Variants in BCAS3 observed in about 807,000 individuals in gnomAD.
BCAS3 encodes BCAS3 microtubule associated cell migration factor.
A neutral mutation model predicts 116.1 loss-of-function variants in BCAS3; 53 were observed. That is an observed-to-expected ratio of 0.46 (90% confidence interval 0.37 to 0.57). The LOEUF is 0.57. Ranked by LOEUF, BCAS3 falls within the 20% of genes least tolerant of loss-of-function variation. The probability of loss-of-function intolerance (pLI) is 0.00; values close to 1 mark genes in which losing one functional copy is unlikely to be tolerated. For missense variants in BCAS3, 917 were observed against 1,165.4 expected, an observed-to-expected ratio of 0.79 and a Z score of 3.10; for synonymous variants, 391 against 408.2, an observed-to-expected ratio of 0.96 and a Z score of 0.51.
chr17:61,351,509 C>A (rs1466055454), intron 22 of BCAS3, among the ~76,000 whole-genome samples: 1 of 152,188 alleles, frequency 6.6e-6, no homozygotes, highest in African/African-American at 2.4e-5. Flanking sequence ...TTGAAACTTA[C>A]AATTAGCAAT....
At chr17:61,207,412 G>A (rs1055639938) in intron 22 of BCAS3, among the ~76,000 whole-genome samples, 2 of 152,048 alleles carry the variant, frequency 1.3e-5, no homozygotes, top group Non-Finnish European at 2.9e-5. Context: ...TGATAGATGA[G>A]GAAACTAAGT....
intron 10 of BCAS3, among the ~76,000 whole-genome samples, chr17:60,897,315 C>T (rs756359396): frequency 7.9e-5 from 12 of 152,238 alleles, no homozygotes; most frequent in East Asian, 1.9e-4. Flanking sequence ...TGACTAGACA[C>T]GATTTTTTCT....
intron 22 of BCAS3, among the ~76,000 whole-genome samples, chr17:61,114,863 AAC>A (rs2075324604): frequency 6.6e-6 from 1 of 151,660 alleles, no homozygotes; most frequent in African/African-American, 2.4e-5. Flanking sequence ...CAGTAACCAA[AAC>A]AGCATGGTAC....
Position 61,348,476 on chromosome 17 carries a change from C to CA in BCAS3, c.2426-19850dup, listed in dbSNP as rs1489003346. ...TTGTAAGCGTTAGAGTAGCTGAACTCACCCAAGAATAGTTTACAGAGAAAG... is the reference window on the plus strand; with the variant it reads ...TTGTAAGCGTTAGAGTAGCTGAACTCAACCCAAGAATAGTTTACAGAGAAAG... On this transcript the variant is annotated intron_variant, in intron 22 of 23. Coordinates refer to ENST00000407086, the MANE Select transcript of BCAS3 (RefSeq NM_017679.5). This position sits in a 1 kb window ranked among gnomAD's most constrained non-coding sequence, Gnocchi z 4.5. Among the ~76,000 whole-genome samples, 1 of 152,064 alleles carries CA rather than the reference C, an allele frequency of 6.6e-6. No individual in the cohort carries two copies. The highest frequency in any genetic ancestry group is 1.5e-5 in the Non-Finnish European group (1 of 68,010).
At position 61,267,913 on chromosome 17, in the gene BCAS3, G is replaced by C. The variant is rs192937824; in HGVS notation, c.2426-100414G>C. Among the ~76,000 whole-genome samples, 3 of 151,752 alleles carry C rather than the reference G, an allele frequency of 2.0e-5. No homozygotes were observed. In the East Asian group the frequency reaches 5.8e-4, roughly 29 times the overall value. The stretch of plus-strand genomic sequence containing the variant: ...GAGAACCTGTCCTATATAGGTCTTC[G>C]TGTGTACAAAGCTCACCGAAAACCC... On this transcript the variant is annotated intron_variant, in intron 22 of 23. Coordinates refer to ENST00000407086, the MANE Select transcript of BCAS3 (RefSeq NM_017679.5).
At chr17:60,874,328 T>C (rs1177055358) in intron 8 of BCAS3, among the ~76,000 whole-genome samples, 1 of 152,210 alleles carries the variant, frequency 6.6e-6, no homozygotes, top group Non-Finnish European at 1.5e-5. Context: ...TGCCTTGGCC[T>C]CCAGGAATGT....
At chr17:60,903,320 A>G (rs1383911679) in intron 11 of BCAS3, among the ~76,000 whole-genome samples, 1 of 152,252 alleles carries the variant, frequency 6.6e-6, no homozygotes, top group Admixed American at 6.5e-5. Context: ...ATCAAAGGTC[A>G]CACTGTTTTA....
rs2063654428 is a variant in BCAS3, at chr17:60,993,432, T to G, written c.1486+3197T>G. Reference sequence around the variant, plus strand: ...TCGACTATGCTGCTGTACTTAAGATTTTCTTTTGAAAGCAAGGAATTTCAG... The same window carrying G: ...TCGACTATGCTGCTGTACTTAAGATGTTCTTTTGAAAGCAAGGAATTTCAG... On this transcript the variant is annotated intron_variant, in intron 15 of 23. Coordinates refer to ENST00000407086, the MANE Select transcript of BCAS3 (RefSeq NM_017679.5). This position sits in a 1 kb window ranked among gnomAD's most constrained non-coding sequence, Gnocchi z 4.2. Among the ~76,000 whole-genome samples, 1 of 152,226 alleles carries G rather than the reference T, an allele frequency of 6.6e-6. No individual in the cohort carries two copies. The highest frequency in any genetic ancestry group is 6.5e-5 in the Admixed American group (1 of 15,286).
rs548153987 is a variant in BCAS3, at chr17:61,343,623, C to T, written c.2426-24704C>T. 2.0e-5 allele frequency among the ~76,000 whole-genome samples: 3 copies of T among 152,314 alleles called. No individual in the cohort carries two copies. The highest frequency in any genetic ancestry group is 4.4e-5 in the Non-Finnish European group (3 of 68,034). On this transcript the variant is annotated intron_variant, in intron 22 of 23. Coordinates refer to ENST00000407086, the MANE Select transcript of BCAS3 (RefSeq NM_017679.5). This position sits in a 1 kb window ranked among gnomAD's most constrained non-coding sequence, Gnocchi z 5.5. The stretch of plus-strand genomic sequence containing the variant: ...GTATGCAGAGGTTTGAGCCAAACAA[C>T]TGGATGGCAAGGCAACAGACATCCC...
At chr17:61,372,776 CT>C (rs977665779) in intron 23 of BCAS3, among the ~76,000 whole-genome samples, 4 of 152,082 alleles carry the variant, frequency 2.6e-5, no homozygotes, top group Non-Finnish European at 5.9e-5. Flanking sequence ...TGTTACCCCC[CT>C]CAAAATAACT....
In BCAS3 at chr17:61,388,504, G is replaced by C; in HGVS notation, c.2594-3473G>C. 1.1e-6 allele frequency: 1 copy of C among 937,738 alleles called. No homozygotes were observed. Among genetic ancestry groups the C allele is most frequent in the Non-Finnish European group, 1.6e-6 (1 of 631,804 alleles). The allele number at this position is 937,738 out of a possible 1,614,324, so 58.1% of individuals were successfully genotyped here. ...TGACTGCAAACTCCCCCTCCTCACG[G>C]TGTGCCCCTGCGCCTCCTGACACCT... is the stretch of plus-strand genomic sequence containing the variant. On this transcript the variant is annotated intron_variant, in intron 23 of 23. Coordinates refer to ENST00000407086, the MANE Select transcript of BCAS3 (RefSeq NM_017679.5). This position sits in a 1 kb window ranked among gnomAD's most constrained non-coding sequence, Gnocchi z 6.5.
At chr17:61,190,011 A>G (rs774892203) in intron 22 of BCAS3, among the ~76,000 whole-genome samples, 2 of 152,248 alleles carry the variant, frequency 1.3e-5, no homozygotes, top group Non-Finnish European at 2.9e-5. Context: ...TAACTGTCAA[A>G]GAAGCAAGAA....
intron 22 of BCAS3, among the ~76,000 whole-genome samples, chr17:61,277,262 C>CAAAA (rs58849968): frequency 1.1e-4 from 11 of 101,630 alleles, no homozygotes; most frequent in South Asian, 8.6e-4. Flanking sequence ...GACCCTGTAT[C>CAAAA]AAAAAAAAAA....
chr17:61,137,686 T>C (rs2076717143), intron 22 of BCAS3, among the ~76,000 whole-genome samples: 1 of 152,218 alleles, frequency 6.6e-6, no homozygotes, highest in South Asian at 2.1e-4. Context: ...GGAAAATCAC[T>C]TGAACCCGGA....
rs2077127600 is a variant in BCAS3, at chr17:61,145,148, C to T, written c.2425+60584C>T. On this transcript the variant is annotated intron_variant, in intron 22 of 23. Coordinates refer to ENST00000407086, the MANE Select transcript of BCAS3 (RefSeq NM_017679.5). The surrounding 1 kb of genome is among the most constrained non-coding windows in gnomAD (Gnocchi z 5.0). ...ATTTAATTTTTCCTTCATTCTGACT[C>T]GGAAATGGCAGCATTTTTCAAAGCT... Among the ~76,000 whole-genome samples the T allele has an allele frequency of 6.6e-6, 1 of 152,174 alleles. No homozygotes were observed. The highest frequency in any genetic ancestry group is 1.5e-5 in the Non-Finnish European group (1 of 68,038).
chr17:61,198,440 C>G lies in BCAS3; in HGVS notation c.2425+113876C>G, dbSNP rs1176925830. Among the ~76,000 whole-genome samples, 1 of 151,964 alleles carries G rather than the reference C, an allele frequency of 6.6e-6. No individual in the cohort carries two copies. Among genetic ancestry groups the G allele is most frequent in the Non-Finnish European group, 1.5e-5 (1 of 67,982 alleles). ...CAGGCCTGAGCCACTGTGCCCAGCCCGATATGTTGATTTTCAAATAATTCA... is the reference window on the plus strand; with the variant it reads ...CAGGCCTGAGCCACTGTGCCCAGCCGGATATGTTGATTTTCAAATAATTCA... On this transcript the variant is annotated intron_variant, in intron 22 of 23. Transcript: ENST00000407086. This position sits in a 1 kb window ranked among gnomAD's most constrained non-coding sequence, Gnocchi z 5.0.
chr17:60,905,987 A>G (rs1461169652), intron 11 of BCAS3, among the ~76,000 whole-genome samples: 1 of 152,180 alleles, frequency 6.6e-6, no homozygotes, highest in African/African-American at 2.4e-5. Flanking sequence ...TTACAAAGAA[A>G]AGGTAAGAGG....
At chr17:61,341,013 G>T (rs1177486426) in intron 22 of BCAS3, among the ~76,000 whole-genome samples, 2 of 152,120 alleles carry the variant, frequency 1.3e-5, no homozygotes, top group Non-Finnish European at 2.9e-5. Flanking sequence ...AGGGAGGAGG[G>T]TCAGGGCCTG....
intron 5 of BCAS3, among the ~76,000 whole-genome samples, chr17:60,714,388 C>T (rs1183538460): frequency 6.6e-6 from 1 of 151,994 alleles, no homozygotes; most frequent in African/African-American, 2.4e-5. Flanking sequence ...ATATAACTGT[C>T]CCGCGGTGGC....
Sources: allele counts gnomAD v4.1 joint callset (sites outside exome capture counted in the v4.1 genomes callset), GRCh38; gene constraint gnomAD v4.1.1; non-coding constraint Gnocchi (gnomAD v3.1); transcripts MANE v1.5; gene names NCBI Gene and HGNC (gene_info 2026-07-23, HGNC 2026-07-21).